Variants in ADAM10 observed in about 807,000 individuals in gnomAD.
ADAM10 encodes the protein disintegrin and metalloproteinase domain-containing protein 10.
In ADAM10, 17 loss-of-function variants were observed where a neutral mutation model predicts 90.1. The observed-to-expected ratio is 0.19, with a 90% CI of 0.13 to 0.28. The LOEUF is 0.28. ADAM10 is among the 10% of genes least tolerant of loss of function. The pLI, the probability that ADAM10 is intolerant of heterozygous loss-of-function variation, is 1.00. For synonymous variants in ADAM10, 310 were observed against 298.6 expected, an observed-to-expected ratio of 1.04 and a Z score of -0.40; for missense variants, 610 against 914.3, an observed-to-expected ratio of 0.67 and a Z score of 4.29.
intron 5 of ADAM10, among the ~76,000 whole-genome samples, chr15:58,649,494 AACT>A (rs760911555): frequency 2.6e-5 from 4 of 152,200 alleles, no homozygotes; most frequent in Non-Finnish European, 4.4e-5. Context: ...ACAGGAAAAA[AACT>A]ACTTTTAGCG....
chr15:58,713,976 T>C (rs1898563189), intron 2 of ADAM10, among the ~76,000 whole-genome samples: 1 of 150,356 alleles, frequency 6.7e-6, no homozygotes, highest in Admixed American at 6.6e-5. Flanking sequence ...AGCTAATTGT[T>C]TGTATTTTTA....
At chr15:58,726,324 A>T (rs1219142394) in intron 1 of ADAM10, among the ~76,000 whole-genome samples, 3 of 152,038 alleles carry the variant, frequency 2.0e-5, no homozygotes, top group Non-Finnish European at 2.9e-5. Context: ...GTTTATATTG[A>T]GAGGCCAAGG....
chr15:58,748,145 T>C (rs1375429047), intron 1 of ADAM10: 1 of 152,156 alleles, frequency 6.6e-6, no homozygotes, highest in Non-Finnish European at 1.5e-5. Flanking sequence ...TGAAAAAAAT[T>C]AAATAAAACG....
Position 58,640,893 on chromosome 15 carries a change from T to C in ADAM10, c.896A>G (p.Lys299Arg), listed in dbSNP as rs201478118. The C allele has an allele frequency of 6.2e-7, 1 of 1,614,166 alleles. No homozygotes were observed. The highest frequency in any genetic ancestry group is 8.5e-7 in the Non-Finnish European group (1 of 1,179,998). Residue 299 changes from lysine to arginine, a missense_variant, in exon 8 of 16, where the codon AAG becomes AGG. Lys to Arg is a conservative substitution (Grantham distance 26). Coordinates refer to ENST00000260408, the MANE Select transcript of ADAM10 (RefSeq NM_001110.4). ...CTGCTCAGAATTCAATTCCAGAAAC[T>C]TCTCCACACCAATATTTGGGAAACG... Reference protein sequence around the residue: ...PFRFPNIGVEKFLELNSEQNH... With the variant: ...PFRFPNIGVERFLELNSEQNH...
intron 4 of ADAM10, among the ~76,000 whole-genome samples, chr15:58,676,722 T>C (rs557396305): frequency 6.6e-6 from 1 of 152,120 alleles, no homozygotes; most frequent in South Asian, 2.1e-4. Context: ...AGAGCTGAGG[T>C]AGGAGGTTCA....
At chr15:58,599,996 C>T (rs1452930067) in intron 14 of ADAM10, among the ~76,000 whole-genome samples, 1 of 152,052 alleles carries the variant, frequency 6.6e-6, no homozygotes, top group Non-Finnish European at 1.5e-5. Flanking sequence ...TTACATATAA[C>T]AACATTTGTC....
chr15:58,687,118 G>A (rs1356478271), intron 2 of ADAM10, among the ~76,000 whole-genome samples: 1 of 152,194 alleles, frequency 6.6e-6, no homozygotes, highest in African/African-American at 2.4e-5. Context: ...AGTACAAATT[G>A]CTGGGAGGAA....
At chr15:58,668,799 G>A (rs1183847355) in intron 4 of ADAM10, among the ~76,000 whole-genome samples, 5 of 152,040 alleles carry the variant, frequency 3.3e-5, no homozygotes, top group African/African-American at 1.2e-4. Flanking sequence ...AATACTTGTT[G>A]AATTTAATTT....
intron 1 of ADAM10, among the ~76,000 whole-genome samples, chr15:58,746,761 T>C (rs1899804875): frequency 1.3e-5 from 2 of 152,098 alleles, no homozygotes; most frequent in South Asian, 4.1e-4. Context: ...TTAAAATAAA[T>C]AAACAAAATA....
chr15:58,712,274 G>C (rs1898499773), intron 2 of ADAM10, among the ~76,000 whole-genome samples: 1 of 152,116 alleles, frequency 6.6e-6, no homozygotes, highest in Admixed American at 6.6e-5. Context: ...GATAGGAATG[G>C]CCAGGCACGG....
intron 1 of ADAM10, among the ~76,000 whole-genome samples, chr15:58,720,191 A>C (rs1348059748): frequency 1.3e-5 from 2 of 152,178 alleles, no homozygotes; most frequent in African/African-American, 4.8e-5. Flanking sequence ...TTACGAGCAC[A>C]AAGAGCGGCA....
intron 11 of ADAM10, among the ~76,000 whole-genome samples, chr15:58,618,303 A>T (rs1895679645): frequency 6.6e-6 from 1 of 152,174 alleles, no homozygotes. Context: ...TGGTGATGGG[A>T]AAACTGGATA....
chr15:58,737,301 G>C (rs988093724), intron 1 of ADAM10, among the ~76,000 whole-genome samples: 1 of 152,112 alleles, frequency 6.6e-6, no homozygotes, highest in African/African-American at 2.4e-5. Context: ...TTTTATGCGT[G>C]TTCTTTCTGT....
intron 14 of ADAM10, among the ~76,000 whole-genome samples, chr15:58,601,971 T>C (rs1230868732): frequency 6.6e-6 from 1 of 152,204 alleles, no homozygotes; most frequent in Non-Finnish European, 1.5e-5. Context: ...TTACTGCTGA[T>C]GTTAACTTGA....
intron 14 of ADAM10, among the ~76,000 whole-genome samples, chr15:58,605,295 T>C (rs1225753907): frequency 6.6e-6 from 1 of 152,222 alleles, no homozygotes; most frequent in African/African-American, 2.4e-5. Flanking sequence ...ACAAGCCCAA[T>C]GCTTGAGATG....
chr15:58,737,067 G>A (rs1188375802), intron 1 of ADAM10, among the ~76,000 whole-genome samples: 4 of 152,044 alleles, frequency 2.6e-5, no homozygotes, highest in Non-Finnish European at 5.9e-5. Flanking sequence ...CCTTGTCACA[G>A]GAGAGCTTAG....
At chr15:58,671,903 A>G (rs951980645) in intron 4 of ADAM10, among the ~76,000 whole-genome samples, 1 of 152,102 alleles carries the variant, frequency 6.6e-6, no homozygotes, top group African/African-American at 2.4e-5. Context: ...AGAATGTAAC[A>G]GAAATAAAGC....
At chr15:58,748,930 G>C (rs1380898079) in intron 1 of ADAM10, 5 of 398,600 alleles carry the variant, frequency 1.3e-5, no homozygotes, top group African/African-American at 1.0e-4. Context: ...GGCGCGCCGG[G>C]TAAAGAACAA....
At chr15:58,741,163 T>C (rs115146578) in intron 1 of ADAM10, among the ~76,000 whole-genome samples, 2,946 of 152,228 alleles carry the variant, frequency 0.019, 99 homozygotes, top group African/African-American at 0.067. Flanking sequence ...CAAAAACAGA[T>C]GGTAAGCAAA....
Sources: allele counts gnomAD v4.1 joint callset (sites outside exome capture counted in the v4.1 genomes callset), GRCh38; gene constraint gnomAD v4.1.1; transcripts MANE v1.5; gene names NCBI Gene and HGNC (gene_info 2026-07-23, HGNC 2026-07-21).